HLCS: variants seen among roughly 807,000 people sequenced by gnomAD.
The protein encoded by HLCS is holocarboxylase synthetase, also known as biotin--protein ligase.
In HLCS, 53 loss-of-function variants were observed where a neutral mutation model predicts 75.0. That is an observed-to-expected ratio of 0.71 (90% CI 0.57 to 0.89). HLCS has a LOEUF of 0.89. Ranked by LOEUF, HLCS falls within the 40% of genes least tolerant of loss-of-function variation. HLCS has a pLI of 0.00. For synonymous variants in HLCS, 431 were observed against 428.6 expected, an observed-to-expected ratio of 1.01 and a Z score of -0.07; for missense variants, 966 against 1,074.0, an observed-to-expected ratio of 0.90 and a Z score of 1.41.
At chr21:36,756,234 C>A (rs189379984) in intron 10 of HLCS, among the ~76,000 whole-genome samples, 8 of 151,050 alleles carry the variant, frequency 5.3e-5, no homozygotes, top group South Asian at 2.1e-4. Flanking sequence ...GTCAGGAGAT[C>A]GAGACCATCC....
chr21:36,821,297 C>A (rs2061834223), intron 6 of HLCS, among the ~76,000 whole-genome samples: 1 of 152,170 alleles, frequency 6.6e-6, no homozygotes, highest in Non-Finnish European at 1.5e-5. Context: ...CTCTTCCCCT[C>A]TGTTTTTTGT....
Position 36,753,884 on chromosome 21 carries a change from A to C in HLCS, c.*362T>G, listed in dbSNP as rs1310477868. On this transcript the variant is annotated 3_prime_UTR_variant, in exon 11 of 11. Transcript: ENST00000674895. The surrounding 1 kb of genome is among the most constrained non-coding windows in gnomAD (Gnocchi z 4.3). ...AGAGCATATTTTGGTTTGTTTTTTCATAGACTAGGGGTAAAGGTCTGCACT... is the reference window on the plus strand; with the variant it reads ...AGAGCATATTTTGGTTTGTTTTTTCCTAGACTAGGGGTAAAGGTCTGCACT... 2.9e-6 allele frequency: 1 copy of C among 348,300 alleles called. No individual in the cohort carries two copies. The highest frequency in any genetic ancestry group is 7.4e-5 in the East Asian group (1 of 13,500). 21.6% of individuals were successfully genotyped at this position (348,300 alleles called of 1,614,324 possible).
At chr21:36,960,213 A>G (rs1365977465) in intron 2 of HLCS, among the ~76,000 whole-genome samples, 1 of 144,004 alleles carries the variant, frequency 6.9e-6, no homozygotes, top group African/African-American at 2.6e-5. Context: ...TAGGTGTGCA[A>G]TCTGAGCTGG....
intron 6 of HLCS, among the ~76,000 whole-genome samples, chr21:36,800,497 C>T (rs1057409229): frequency 3.3e-5 from 5 of 152,128 alleles, no homozygotes; most frequent in Admixed American, 3.3e-4. Flanking sequence ...CCGCTCTTGG[C>T]AGTTTATGGG....
intron 5 of HLCS, among the ~76,000 whole-genome samples, chr21:36,928,956 G>C (rs1214096550): frequency 6.6e-6 from 1 of 152,146 alleles, no homozygotes; most frequent in African/African-American, 2.4e-5. Context: ...ACTGCCCCAG[G>C]CTGTTTAAAA....
chr21:36,836,610 C>T (rs2062421997), intron 6 of HLCS, among the ~76,000 whole-genome samples: 1 of 151,574 alleles, frequency 6.6e-6, no homozygotes, highest in South Asian at 2.1e-4. Context: ...TCGCAACCTA[C>T]TCATCTGACA....
chr21:36,968,715 T>A (rs1209746023), upstream of HLCS: 1 of 152,212 alleles, frequency 6.6e-6, no homozygotes, highest in Non-Finnish European at 1.5e-5. Flanking sequence ...TCAACAGTGA[T>A]AAATCCTAAA....
chr21:36,833,460 C>T (rs2062286777), intron 6 of HLCS, among the ~76,000 whole-genome samples: 1 of 151,764 alleles, frequency 6.6e-6, no homozygotes, highest in African/African-American at 2.4e-5. Flanking sequence ...TGGCATGCAC[C>T]TGTAATCCCA....
intron 5 of HLCS, among the ~76,000 whole-genome samples, chr21:36,898,446 C>CAAAAAAAAAAAAAAAA (rs58625493): frequency 1.4e-4 from 7 of 49,534 alleles, no homozygotes; most frequent in Non-Finnish European, 1.8e-4. Flanking sequence ...AACTCCATCT[C>CAAAAAAAAAAAAAAAA]AAAAAAAAAA....
chr21:36,989,353 CGCTCTTGTCGTCCAG>C (rs2069295307), intron 1 of HLCS, among the ~76,000 whole-genome samples: 1 of 123,126 alleles, frequency 8.1e-6, no homozygotes, highest in African/African-American at 3.2e-5. Flanking sequence ...AGACGGAGTT[CGCTCTTGTCGTCCAG>C]GCTGGAGTGC....
At chr21:36,772,346 A>G (rs1427818953) in intron 6 of HLCS, among the ~76,000 whole-genome samples, 1 of 152,104 alleles carries the variant, frequency 6.6e-6, no homozygotes, top group Non-Finnish European at 1.5e-5. Flanking sequence ...ATTTATAGAA[A>G]AATACAGGGG....
At chr21:36,905,355 G>A (rs1337939349) in intron 5 of HLCS, among the ~76,000 whole-genome samples, 17 of 152,154 alleles carry the variant, frequency 1.1e-4, no homozygotes, top group Admixed American at 1.1e-3. Context: ...GTCTTGAGAT[G>A]GCTACGTAAG....
intron 5 of HLCS, among the ~76,000 whole-genome samples, chr21:36,918,019 G>T (rs1212800214): frequency 1.3e-5 from 2 of 151,640 alleles, no homozygotes; most frequent in Non-Finnish European, 2.9e-5. Context: ...TGTTTTAAAA[G>T]GGCTCAAGTC....
intron 6 of HLCS, among the ~76,000 whole-genome samples, chr21:36,864,668 T>C (rs1277052382): frequency 6.6e-6 from 1 of 152,230 alleles, no homozygotes; most frequent in Non-Finnish European, 1.5e-5. Context: ...ATAAATGTTT[T>C]AAATTTTAAT....
intron 2 of HLCS, among the ~76,000 whole-genome samples, chr21:36,958,594 G>C (rs1003185740): frequency 1.3e-5 from 2 of 152,104 alleles, no homozygotes; most frequent in Admixed American, 6.6e-5. Context: ...TTCGAGACCA[G>C]CCTGGGCAAC....
intron 5 of HLCS, among the ~76,000 whole-genome samples, chr21:36,918,394 A>T (rs2066021474): frequency 6.6e-6 from 1 of 152,248 alleles, no homozygotes; most frequent in South Asian, 2.1e-4. Context: ...TCAAAGGCAG[A>T]GAGGGTAAGA....
chr21:36,914,168 G>A (rs973655448), intron 5 of HLCS, among the ~76,000 whole-genome samples: 2 of 152,218 alleles, frequency 1.3e-5, no homozygotes, highest in Admixed American at 6.5e-5. Flanking sequence ...GGGATGGGCC[G>A]ACAGGTGAAC....
At chr21:36,904,346 T>C (rs1175954623) in intron 5 of HLCS, among the ~76,000 whole-genome samples, 1 of 152,194 alleles carries the variant, frequency 6.6e-6, no homozygotes, top group Non-Finnish European at 1.5e-5. Flanking sequence ...ACAATCTAAA[T>C]TATTTGTTTT....
chr21:36,877,665 G>C (rs1217943814), intron 6 of HLCS, among the ~76,000 whole-genome samples: 1 of 152,082 alleles, frequency 6.6e-6, no homozygotes, highest in Non-Finnish European at 1.5e-5. Flanking sequence ...AATTTACCCA[G>C]ATATTTGTCC....
Sources: gnomAD v4.1 joint callset for allele counts (sites outside exome capture counted in the v4.1 genomes callset) on GRCh38, gnomAD v4.1.1 for gene constraint, Gnocchi (gnomAD v3.1) non-coding constraint, MANE v1.5 for transcripts, NCBI Gene and HGNC (gene_info 2026-07-23, HGNC 2026-07-21) for gene names.